The following LYRM4 variants were observed in gnomAD, a reference collection of about 807,000 sequenced individuals.
LYRM4 encodes the protein LYR motif containing 4.
LYRM4 carries 9 observed loss-of-function variants against 11.7 expected under a neutral mutation model. The observed-to-expected ratio is 0.77, with a 90% CI of 0.46 to 1.34. The LOEUF is 1.34. Ranked by LOEUF, LYRM4 falls within the 40% of genes most tolerant of loss-of-function variation. LYRM4 has a pLI of 0.00. For synonymous variants in LYRM4, 42 were observed against 40.4 expected (o/e 1.04, Z -0.15); for missense variants, 133 against 112.5 (o/e 1.18, Z -0.82).
chr6:5,085,353 G>A, the LYRM4 span: 4 of 645,766 alleles, frequency 6.2e-6, no homozygotes, highest in Middle Eastern at 4.3e-4. Flanking sequence ...TTGTCTTGTC[G>A]AGCCTGGGGC....
rs375144476 is a variant in LYRM4, at chr6:5,197,216, A to G, written c.207+19402T>C. 1.2e-4 allele frequency among the ~76,000 whole-genome samples: 18 copies of G among 152,288 alleles called. No homozygotes were observed. In the South Asian group the frequency reaches 3.7e-3, roughly 32 times the overall value. Reference sequence around the variant, plus strand: ...AAACATAGGTGCTTACTGGTGATTCATGATAAGGTAGGCAAGGAAGGTCTT... The same window carrying G: ...AAACATAGGTGCTTACTGGTGATTCGTGATAAGGTAGGCAAGGAAGGTCTT... On this transcript the variant is annotated intron_variant, in intron 2 of 2. Coordinates refer to ENST00000330636, the MANE Select transcript of LYRM4 (RefSeq NM_020408.6).
At chr6:5,127,630 T>C (rs1479980109) in intron 2 of LYRM4, among the ~76,000 whole-genome samples, 1 of 152,170 alleles carries the variant, frequency 6.6e-6, no homozygotes, top group East Asian at 1.9e-4. Flanking sequence ...AAGGAAAATA[T>C]GTTAATTTTT....
At chr6:5,075,614 G>A in the LYRM4 span, among the ~76,000 whole-genome samples, 10 of 152,184 alleles carry the variant, frequency 6.6e-5, no homozygotes, top group African/African-American at 2.2e-4. Context: ...AAGGAAGAAT[G>A]GGCATAGAAA....
intron 2 of LYRM4, among the ~76,000 whole-genome samples, chr6:5,201,886 A>C (rs1228182392): frequency 2.6e-5 from 4 of 152,232 alleles, no homozygotes; most frequent in African/African-American, 9.6e-5. Context: ...AAATCCTGGC[A>C]TCAACCATTA....
At chr6:5,175,163 G>T (rs1442904796) in intron 2 of LYRM4, among the ~76,000 whole-genome samples, 1 of 152,238 alleles carries the variant, frequency 6.6e-6, no homozygotes, top group East Asian at 1.9e-4. Context: ...CTTGTTTTAT[G>T]AGTTCTGGGT....
Position 5,112,111 on chromosome 6 carries a change from G to A in LYRM4, c.208-2620C>T, listed in dbSNP as rs371358619. On this transcript the variant is annotated intron_variant, in intron 2 of 2. Transcript: ENST00000330636. ...CTTCCTGCCCCCTCCGGAAGGGAGG[G>A]CGCTCTTCTGTCCACCCGTTCGCTG... 7.4e-4 allele frequency among the ~76,000 whole-genome samples: 113 copies of A among 152,298 alleles called. 2 individuals are homozygous for A. In the East Asian group the frequency reaches 0.016, roughly 21 times the overall value.
At chr6:5,235,800 A>G (rs1763506268) in intron 1 of LYRM4, among the ~76,000 whole-genome samples, 1 of 152,148 alleles carries the variant, frequency 6.6e-6, no homozygotes, top group South Asian at 2.1e-4. Flanking sequence ...CCTGTGTTTG[A>G]GCTTTACTTG....
chr6:5,239,965 G>A (rs779272071), intron 1 of LYRM4, among the ~76,000 whole-genome samples: 5 of 152,292 alleles, frequency 3.3e-5, no homozygotes, highest in African/African-American at 1.2e-4. Context: ...TGATGCCCCC[G>A]GCAGGGATGC....
intron 2 of LYRM4, among the ~76,000 whole-genome samples, chr6:5,143,022 C>T (rs1170441919): frequency 2.6e-5 from 4 of 152,214 alleles, no homozygotes; most frequent in African/African-American, 4.8e-5. Context: ...GGCTGCATTC[C>T]GGATATGCTC....
the LYRM4 span, among the ~76,000 whole-genome samples, chr6:5,073,134 G>A: frequency 4.7e-4 from 72 of 152,250 alleles, no homozygotes; most frequent in South Asian, 4.1e-4. Flanking sequence ...CAGCGCTTTG[G>A]GAGGCCGAGG....
chr6:5,174,351 G>T (rs114074704), intron 2 of LYRM4, among the ~76,000 whole-genome samples: 326 of 152,280 alleles, frequency 2.1e-3, no homozygotes, highest in Non-Finnish European at 3.5e-3. Flanking sequence ...ACTAAGGACA[G>T]TGTCACCTTT....
the LYRM4 span, chr6:5,086,782 C>G: frequency 1.7e-6 from 1 of 572,286 alleles, no homozygotes; most frequent in South Asian, 2.3e-5. Flanking sequence ...AGCCTCTGAC[C>G]TCAGTCTTCT....
At chr6:5,033,419 C>T in the LYRM4 span, 1,131 of 152,502 alleles carry the variant, frequency 7.4e-3, 17 homozygotes, top group African/African-American at 0.024. Context: ...CCCTACACCC[C>T]AGCATGTGCC....
intron 1 of LYRM4, among the ~76,000 whole-genome samples, chr6:5,231,372 G>GA (rs1561888344): frequency 6.6e-6 from 1 of 152,142 alleles, no homozygotes; most frequent in Non-Finnish European, 1.5e-5. Flanking sequence ...TGGGCTTCCC[G>GA]AGTGTCCTGG....
chr6:5,142,769 C>T (rs1052231538), intron 2 of LYRM4, among the ~76,000 whole-genome samples: 17 of 152,130 alleles, frequency 1.1e-4, no homozygotes, highest in South Asian at 6.2e-4. Flanking sequence ...AAACTGACAA[C>T]GCTTTGGGAC....
At chr6:5,193,291 TA>T (rs1461341485) in intron 2 of LYRM4, among the ~76,000 whole-genome samples, 2 of 150,016 alleles carry the variant, frequency 1.3e-5, no homozygotes, top group African/African-American at 4.9e-5. Flanking sequence ...ATATGTGATT[TA>T]AAAAAAAACC....
At chr6:5,191,049 A>C (rs1760722886) in intron 2 of LYRM4, among the ~76,000 whole-genome samples, 1 of 152,198 alleles carries the variant, frequency 6.6e-6, no homozygotes, top group Non-Finnish European at 1.5e-5. Context: ...ATTTTTCCTA[A>C]GAGAAAATCA....
downstream of LYRM4, chr6:5,104,155 C>A (rs892363370): frequency 6.6e-6 from 1 of 152,652 alleles, no homozygotes; most frequent in Non-Finnish European, 1.5e-5. Context: ...AATCTCCCCC[C>A]ACCAGCCCTC....
chr6:5,177,268 G>A (rs191940030), intron 2 of LYRM4, among the ~76,000 whole-genome samples: 2 of 152,340 alleles, frequency 1.3e-5, no homozygotes, highest in African/African-American at 4.8e-5. Flanking sequence ...GTCCTCAAAT[G>A]CCACAGTCCT....
Sources: allele counts gnomAD v4.1 joint callset (sites outside exome capture counted in the v4.1 genomes callset), GRCh38; gene constraint gnomAD v4.1.1; transcripts MANE v1.5; gene names NCBI Gene and HGNC (gene_info 2026-07-23, HGNC 2026-07-21).